Variants in KAZN observed in about 807,000 individuals in gnomAD.
KAZN encodes the protein kazrin, periplakin interacting protein.
A neutral mutation model predicts 87.4 loss-of-function variants in KAZN; 40 were observed. The observed-to-expected ratio is 0.46, with a 90% CI of 0.36 to 0.60. KAZN has a LOEUF of 0.60. Ranked by LOEUF, KAZN falls within the 20% of genes least tolerant of loss-of-function variation. The probability of loss-of-function intolerance (pLI) is 0.00; values close to 1 mark genes in which losing one functional copy is unlikely to be tolerated. For synonymous variants in KAZN, 466 were observed against 458.3 expected (o/e 1.02, Z -0.22); for missense variants, 898 against 1,073.9 (o/e 0.84, Z 2.29).
At chr1:14,287,142 T>C (rs1408394444) in intron 2 of KAZN, among the ~76,000 whole-genome samples, 1 of 152,150 alleles carries the variant, frequency 6.6e-6, no homozygotes, top group African/African-American at 2.4e-5. Flanking sequence ...GTTAGGGAAA[T>C]CCACTGACCT....
rs989469383 is a variant in KAZN, at chr1:14,773,621, C to T, written c.226+174398C>T. Among the ~76,000 whole-genome samples the T allele has an allele frequency of 1.1e-4, 17 of 152,142 alleles. No homozygotes were observed. Among genetic ancestry groups the T allele is most frequent in the South Asian group, 1.0e-3 (5 of 4,830 alleles). ...GGAGTTGGAAATGAGGTCAGGCACC[C>T]GCCACCCGGTTCTCCTTCTTCCTCT... On this transcript the variant is annotated intron_variant, in intron 1 of 14. Coordinates refer to ENST00000376030, the MANE Select transcript of KAZN (RefSeq NM_201628.3). The surrounding 1 kb of genome is among the most constrained non-coding windows in gnomAD (Gnocchi z 5.9).
chr1:13,925,122 C>A (rs1640224994), intron 1 of KAZN, among the ~76,000 whole-genome samples: 1 of 152,222 alleles, frequency 6.6e-6, no homozygotes, highest in Non-Finnish European at 1.5e-5. Context: ...CATCTGCTTT[C>A]TGTTTCTATG....
chr1:15,094,841 C>T lies in KAZN; in HGVS notation c.1455C>T (p.Asp485=), dbSNP rs904567801. The T allele has an allele frequency of 5.7e-5, 88 of 1,550,436 alleles. No individual in the cohort carries two copies. Among genetic ancestry groups the T allele is most frequent in the Admixed American group, 1.8e-4 (9 of 50,990 alleles). Residue 485 remains aspartate (D), a synonymous_variant, in exon 10 of 15, where the codon GAC becomes GAT. Coordinates refer to ENST00000376030, the MANE Select transcript of KAZN (RefSeq NM_201628.3). The surrounding 1 kb of genome is among the most constrained non-coding windows in gnomAD (Gnocchi z 4.5). Reference sequence around the variant, plus strand: ...TGCTGCTGAGCCTGAGTGACGAGGACCTGCAGCTGGGCCTTGGGGTGTGCA... The same window carrying T: ...TGCTGCTGAGCCTGAGTGACGAGGATCTGCAGCTGGGCCTTGGGGTGTGCA... ...GKVLLSLSDE[D]LQLGLGVCSS...
intron 1 of KAZN, among the ~76,000 whole-genome samples, chr1:14,102,026 A>G (rs1644265088): frequency 6.6e-6 from 1 of 152,142 alleles, no homozygotes; most frequent in South Asian, 2.1e-4. Context: ...TTCAAAGAAG[A>G]TGAAGCTTAA....
intron 1 of KAZN, among the ~76,000 whole-genome samples, chr1:14,061,818 C>T (rs922082870): frequency 8.5e-5 from 13 of 152,068 alleles, no homozygotes; most frequent in South Asian, 2.1e-4. Context: ...CACATCTGTG[C>T]GGAGTGGAGA....
intron 1 of KAZN, among the ~76,000 whole-genome samples, chr1:14,871,198 G>A (rs777186826): frequency 1.3e-5 from 2 of 152,198 alleles, no homozygotes; most frequent in Non-Finnish European, 1.5e-5. Context: ...CACGATGCTG[G>A]AACAGTCCAG....
chr1:13,941,541 G>A (rs1031851893), intron 1 of KAZN, among the ~76,000 whole-genome samples: 1 of 152,182 alleles, frequency 6.6e-6, no homozygotes, highest in South Asian at 2.1e-4. Context: ...GAGTGCCTAT[G>A]TAAAGCAGAT....
intron 2 of KAZN, among the ~76,000 whole-genome samples, chr1:14,576,798 A>C (rs1392888919): frequency 6.7e-6 from 1 of 149,978 alleles, no homozygotes; most frequent in Non-Finnish European, 1.5e-5. Context: ...GTTACCAAAA[A>C]AAAAGGAAAA....
intron 1 of KAZN, among the ~76,000 whole-genome samples, chr1:14,940,948 C>A (rs1408140158): frequency 7.8e-6 from 1 of 128,600 alleles, no homozygotes; most frequent in African/African-American, 3.1e-5. Context: ...CGCAGCCTTG[C>A]CCTGTCGACC....
intron 1 of KAZN, among the ~76,000 whole-genome samples, chr1:14,622,047 G>A (rs1678738853): frequency 6.6e-6 from 1 of 152,204 alleles, no homozygotes; most frequent in African/African-American, 2.4e-5. Flanking sequence ...AGCTACTGAG[G>A]CAGCATCTCC....
At chr1:14,724,376 G>C (rs555020602) in intron 1 of KAZN, among the ~76,000 whole-genome samples, 1 of 152,150 alleles carries the variant, frequency 6.6e-6, no homozygotes, top group Admixed American at 6.5e-5. Flanking sequence ...ATGCGTCTGC[G>C]GGAGAGCTGG....
chr1:14,411,382 T>C (rs1026457721), intron 2 of KAZN, among the ~76,000 whole-genome samples: 4 of 152,066 alleles, frequency 2.6e-5, no homozygotes, highest in Non-Finnish European at 4.4e-5. Flanking sequence ...GTAACCTCCG[T>C]CTCCCTAGTT....
intron 1 of KAZN, among the ~76,000 whole-genome samples, chr1:14,125,348 G>A (rs983414883): frequency 5.9e-5 from 9 of 152,188 alleles, no homozygotes; most frequent in Non-Finnish European, 1.2e-4. Flanking sequence ...ATATGTCCAT[G>A]TCCTAGCCAA....
intron 1 of KAZN, among the ~76,000 whole-genome samples, chr1:14,664,315 C>T (rs1366620081): frequency 6.6e-6 from 1 of 152,114 alleles, no homozygotes; most frequent in African/African-American, 2.4e-5. Flanking sequence ...CACCTGTAGT[C>T]CCAGCTACTC....
chr1:13,933,031 T>C lies in KAZN; in HGVS notation c.91+39275T>C, dbSNP rs575729289. Reference sequence around the variant, plus strand: ...TATTCCCTATTTCCCCGAATGTTAATATCTAACATTCCAATGGTATATTTA... The same window carrying C: ...TATTCCCTATTTCCCCGAATGTTAACATCTAACATTCCAATGGTATATTTA... On this transcript the variant is annotated intron_variant, in intron 1 of 16. Transcript: ENST00000636203. Among the ~76,000 whole-genome samples the C allele has an allele frequency of 2.0e-5, 3 of 152,312 alleles. No homozygotes were observed. The East Asian group carries it at 5.8e-4, about 29-fold the overall frequency.
intron 2 of KAZN, among the ~76,000 whole-genome samples, chr1:14,182,047 C>T (rs1646209924): frequency 6.6e-6 from 1 of 152,094 alleles, no homozygotes; most frequent in African/African-American, 2.4e-5. Flanking sequence ...CCACCGAGTG[C>T]CTAATTCATT....
chr1:14,330,124 C>T (rs2100867547), intron 2 of KAZN, among the ~76,000 whole-genome samples: 1 of 152,236 alleles, frequency 6.6e-6, no homozygotes, highest in South Asian at 2.1e-4. Context: ...AAAGGAAACT[C>T]CACAGTAAGT....
chr1:13,946,620 G>A (rs373222375), intron 1 of KAZN, among the ~76,000 whole-genome samples: 8 of 152,100 alleles, frequency 5.3e-5, no homozygotes, highest in African/African-American at 1.9e-4. Context: ...CAATCCTTGG[G>A]ATCCTTAAGA....
chr1:13,960,807 G>A (rs1641722873), intron 1 of KAZN, among the ~76,000 whole-genome samples: 2 of 152,256 alleles, frequency 1.3e-5, no homozygotes, highest in Admixed American at 6.5e-5. Context: ...CCAGGCCTTC[G>A]GAAAACCCTG....
Sources: allele counts gnomAD v4.1 joint callset (sites outside exome capture counted in the v4.1 genomes callset), GRCh38; gene constraint gnomAD v4.1.1; non-coding constraint Gnocchi (gnomAD v3.1); transcripts MANE v1.5; gene names NCBI Gene and HGNC (gene_info 2026-07-23, HGNC 2026-07-21).